BAZ1A: variants seen among roughly 807,000 people sequenced by gnomAD.
The protein encoded by BAZ1A is bromodomain adjacent to zinc finger domain protein 1A.
A neutral mutation model predicts 185.2 loss-of-function variants in BAZ1A; 50 were observed. That is an observed-to-expected ratio of 0.27 (90% CI 0.22 to 0.34). BAZ1A has a LOEUF of 0.34. Ranked by LOEUF, BAZ1A falls within the 10% of genes least tolerant of loss-of-function variation. The pLI is 1.00. For synonymous variants in BAZ1A, 571 were observed against 615.6 expected (o/e 0.93, Z 1.07); for missense variants, 1,356 against 1,839.9 (o/e 0.74, Z 4.81).
chr14:34,829,431 T>C (rs1448937386), intron 3 of BAZ1A, among the ~76,000 whole-genome samples: 1 of 152,070 alleles, frequency 6.6e-6, no homozygotes, highest in African/African-American at 2.4e-5. Flanking sequence ...AAAAGACCAT[T>C]TCATTGGCCA....
chr14:34,762,142 G>T lies in BAZ1A; in HGVS notation c.3858C>A (p.Gly1286=). 1 of 1,614,150 alleles carries T rather than the reference G, an allele frequency of 6.2e-7. No individual in the cohort carries two copies. Among genetic ancestry groups the T allele is most frequent in the Non-Finnish European group, 8.5e-7 (1 of 1,180,026 alleles). The part of the protein sequence containing the change: ...GKLSSSFSSR[G]QQQEPGRYPS... Reference sequence around the variant, plus strand: ...GGTATCTTCCAGGTTCTTGTTGTTGGCCACGACTTGAGAAAGAAGAGCTAA... The same window carrying T: ...GGTATCTTCCAGGTTCTTGTTGTTGTCCACGACTTGAGAAAGAAGAGCTAA... The change falls in exon 24 of 27, where the codon GGC becomes GGA. Residue 1286 remains glycine, a synonymous_variant. Coordinates refer to ENST00000360310, the MANE Select transcript of BAZ1A (RefSeq NM_013448.3).
intron 3 of BAZ1A, among the ~76,000 whole-genome samples, chr14:34,827,512 G>A (rs1407362936): frequency 6.6e-6 from 1 of 152,052 alleles, no homozygotes; most frequent in African/African-American, 2.4e-5. Context: ...GAGGCGGGTG[G>A]ATCACGAGGT....
chr14:34,867,689 T>TA (rs2042882746), intron 2 of BAZ1A, among the ~76,000 whole-genome samples: 1 of 152,184 alleles, frequency 6.6e-6, no homozygotes, highest in East Asian at 1.9e-4. Flanking sequence ...CACAAAGACT[T>TA]ACCCTAAGGA....
chr14:34,863,586 G>A (rs370658669), intron 2 of BAZ1A, among the ~76,000 whole-genome samples: 5 of 152,148 alleles, frequency 3.3e-5, no homozygotes, highest in East Asian at 1.9e-4. Flanking sequence ...GATTACAGGC[G>A]TGAGCCACCA....
chr14:34,778,873 G>T (rs1879846490), intron 17 of BAZ1A, among the ~76,000 whole-genome samples: 1 of 151,912 alleles, frequency 6.6e-6, no homozygotes, highest in Admixed American at 6.6e-5. Context: ...TTATTTTTTT[G>T]AGAAAGGACC....
intron 4 of BAZ1A, among the ~76,000 whole-genome samples, chr14:34,824,402 GC>G (rs2042133338): frequency 5.0e-5 from 1 of 19,994 alleles, no homozygotes; most frequent in Non-Finnish European, 9.2e-5. Context: ...AAAAAAAGCA[GC>G]AACTCAAAAA....
At chr14:34,828,506 C>G (rs2138721863) in intron 3 of BAZ1A, 1 of 152,136 alleles carries the variant, frequency 6.6e-6, no homozygotes, top group South Asian at 2.1e-4. Context: ...ATTTCCAAAA[C>G]TTTCTCGTTT....
At chr14:34,755,482 G>A (rs763836755) in intron 25 of BAZ1A, among the ~76,000 whole-genome samples, 9 of 151,800 alleles carry the variant, frequency 5.9e-5, no homozygotes, top group Non-Finnish European at 1.2e-4. Flanking sequence ...CTCATTTCTG[G>A]GTGTCTACCG....
At chr14:34,759,405 G>A (rs552898041) in intron 24 of BAZ1A, among the ~76,000 whole-genome samples, 25 of 151,700 alleles carry the variant, frequency 1.6e-4, no homozygotes, top group Admixed American at 3.3e-4. Context: ...GGATGGTCTC[G>A]ATCTCCTGAC....
At chr14:34,806,503 C>T (rs960531418) in intron 6 of BAZ1A, among the ~76,000 whole-genome samples, 6 of 152,120 alleles carry the variant, frequency 3.9e-5, no homozygotes, top group African/African-American at 4.8e-5. Flanking sequence ...CCTCAGCCTT[C>T]GGAGTAGCTG....
intron 2 of BAZ1A, among the ~76,000 whole-genome samples, chr14:34,865,207 C>T (rs1330092926): frequency 6.6e-6 from 1 of 152,042 alleles, no homozygotes; most frequent in East Asian, 1.9e-4. Context: ...ACAATCATGC[C>T]ACTGCACTCC....
intron 15 of BAZ1A, 27 bp from the exon 16 acceptor site, chr14:34,783,259 T>A: frequency 7.4e-7 from 1 of 1,360,048 alleles, no homozygotes; most frequent in Non-Finnish European, 1.0e-6. Context: ...AATATGGTAG[T>A]CTATCTGATG....
At chr14:34,807,343 G>T in intron 6 of BAZ1A, 108 bp downstream of exon 6, 2 of 731,476 alleles carry the variant, frequency 2.7e-6, no homozygotes, top group Non-Finnish European at 4.1e-6. Context: ...GATTAAAAGA[G>T]AGCAATCTTT....
rs140870258 is a variant in BAZ1A, at chr14:34,828,085, C to T, written c.393-1929G>A. ...CGAGGCGGGCGGATCACCTGAGGTC[C>T]GGAGTTTGAGACCAGCCTGACATGG... On this transcript the variant is annotated intron_variant, in intron 3 of 26. Transcript: ENST00000360310. 4.1e-3 allele frequency among the ~76,000 whole-genome samples: 616 copies of T among 151,832 alleles called. 6 individuals are homozygous for T. Among genetic ancestry groups the T allele is most frequent in the African/African-American group, 0.013 (559 of 41,416 alleles).
intron 5 of BAZ1A, among the ~76,000 whole-genome samples, chr14:34,810,673 T>A (rs180964097): frequency 6.8e-4 from 103 of 152,260 alleles, no homozygotes; most frequent in African/African-American, 2.3e-3. Flanking sequence ...TAGTCCAGGC[T>A]GGTCCTGAAC....
intron 9 of BAZ1A, among the ~76,000 whole-genome samples, chr14:34,798,977 A>G (rs1336647332): frequency 1.3e-5 from 2 of 152,136 alleles, no homozygotes; most frequent in African/African-American, 4.8e-5. Flanking sequence ...AAGACTTGGA[A>G]CCAACTCAAA....
At chr14:34,824,550 G>C (rs2042138496) in intron 4 of BAZ1A, among the ~76,000 whole-genome samples, 1 of 152,028 alleles carries the variant, frequency 6.6e-6, no homozygotes, top group Admixed American at 6.6e-5. Context: ...ACCTTCCTAA[G>C]TCTCAGGTTT....
rs139133960 is a variant in BAZ1A, at chr14:34,815,156, G to A, written c.537-4120C>T. 4.1e-3 allele frequency among the ~76,000 whole-genome samples: 623 copies of A among 152,212 alleles called. 3 individuals carry two copies. Among genetic ancestry groups the A allele is most frequent in the Non-Finnish European group, 7.1e-3 (483 of 68,014 alleles). ...ACAATTATCTTTTACTTTTCTTGCC[G>A]TACCATGAAATTCATTTGTGAAGAT... On this transcript the variant is annotated intron_variant, in intron 4 of 26. Coordinates refer to ENST00000360310, the MANE Select transcript of BAZ1A (RefSeq NM_013448.3).
intron 4 of BAZ1A, among the ~76,000 whole-genome samples, chr14:34,824,767 G>A (rs1357902847): frequency 6.6e-6 from 1 of 152,176 alleles, no homozygotes; most frequent in Non-Finnish European, 1.5e-5. Flanking sequence ...GTAATTAAGA[G>A]AAGTAGGTAA....
Sources: gnomAD v4.1 joint callset for allele counts (sites outside exome capture counted in the v4.1 genomes callset) on GRCh38, gnomAD v4.1.1 for gene constraint, MANE v1.5 for transcripts, NCBI Gene and HGNC (gene_info 2026-07-23, HGNC 2026-07-21) for gene names.